Variants in DOK6 observed in about 807,000 individuals in gnomAD.
The protein encoded by DOK6 is downstream of tyrosine kinase 6.
DOK6 carries 22 observed loss-of-function variants against 44.0 expected under a neutral mutation model. That is an observed-to-expected ratio of 0.50 (90% CI 0.36 to 0.71). The LOEUF (loss-of-function observed/expected upper bound fraction) is 0.71, where lower values mean the gene tolerates loss of function less well. Ranked by LOEUF, DOK6 falls within the 30% of genes least tolerant of loss-of-function variation. The pLI is 0.00. For synonymous variants in DOK6, 166 were observed against 145.5 expected (o/e 1.14, Z -1.01); for missense variants, 340 against 416.4 (o/e 0.82, Z 1.60).
intron 5 of DOK6, among the ~76,000 whole-genome samples, chr18:69,700,803 G>A (rs1050211427): frequency 1.3e-5 from 2 of 152,170 alleles, no homozygotes; most frequent in Non-Finnish European, 2.9e-5. Context: ...GGTCTGGACT[G>A]ATGGGGTCAC....
At chr18:69,712,793 G>A (rs1018567376) in intron 5 of DOK6, among the ~76,000 whole-genome samples, 8 of 152,196 alleles carry the variant, frequency 5.3e-5, no homozygotes, top group Non-Finnish European at 1.0e-4. Flanking sequence ...GTTGCAGTGA[G>A]CCGAGATCAC....
chr18:69,695,059 T>C (rs1986360848), intron 4 of DOK6, among the ~76,000 whole-genome samples: 1 of 152,216 alleles, frequency 6.6e-6, no homozygotes. Flanking sequence ...AAGCAAGTGT[T>C]CTTTTGTTCT....
chr18:69,532,749 C>G (rs1982020161), intron 1 of DOK6: 1 of 152,218 alleles, frequency 6.6e-6, no homozygotes, highest in Admixed American at 6.6e-5. Context: ...GTGACCCCAG[C>G]TCCTCAGGAG....
intron 3 of DOK6, among the ~76,000 whole-genome samples, chr18:69,628,618 GAAACTTTTCCT>G (rs941173451): frequency 8.5e-5 from 13 of 152,186 alleles, no homozygotes; most frequent in Non-Finnish European, 1.5e-4. Context: ...GATATGGTAT[GAAACTTTTCCT>G]AAACTTTTCC....
chr18:69,659,692 G>A (rs1037085587), intron 3 of DOK6: 1 of 151,876 alleles, frequency 6.6e-6, no homozygotes, highest in African/African-American at 2.4e-5. Context: ...TAAAAAGGAC[G>A]TTAATCTGAC....
At position 69,547,652 on chromosome 18, in the gene DOK6, C is replaced by T. The variant is rs376048386; in HGVS notation, c.67-16835C>T. 4.8e-3 allele frequency among the ~76,000 whole-genome samples: 719 copies of T among 151,366 alleles called. 15 individuals carry two copies. Among genetic ancestry groups the T allele is most frequent in the African/African-American group, 0.015 (624 of 41,416 alleles). On this transcript the variant is annotated intron_variant, in intron 1 of 7. Coordinates refer to ENST00000382713, the MANE Select transcript of DOK6 (RefSeq NM_152721.6). ...TATCTAACGTTAGAACTTATTCCTT[C>T]TATCTAACTATATGTTTGTACTCAT... is the stretch of plus-strand genomic sequence containing the variant.
At chr18:69,831,153 C>T (rs1009112358) in intron 7 of DOK6, 1 of 152,202 alleles carries the variant, frequency 6.6e-6, no homozygotes, top group African/African-American at 2.4e-5. Flanking sequence ...GGCCTGAGAA[C>T]CAGGAAAGCC....
In DOK6 at chr18:69,401,167, G is replaced by A. The variant is rs542018167; in HGVS notation, c.-78G>A. On this transcript the variant is annotated 5_prime_UTR_variant, in exon 1 of 8. Coordinates refer to ENST00000382713, the MANE Select transcript of DOK6 (RefSeq NM_152721.6). ...CGGCGGCCGGCTGGATGCGAGACCC[G>A]CGCAGACCCGGCGGCGGACGGCGGC... The A allele has an allele frequency of 5.3e-4, 773 of 1,445,430 alleles. 1 individual carries two copies. The highest frequency in any genetic ancestry group is 7.4e-4 in the Admixed American group (30 of 40,392). 89.5% of individuals were successfully genotyped at this position (1,445,430 alleles called of 1,614,324 possible).
intron 3 of DOK6, chr18:69,661,333 A>C (rs894048731): frequency 3.2e-4 from 49 of 152,218 alleles, no homozygotes; most frequent in African/African-American, 1.2e-3. Flanking sequence ...CTGCTGGCAG[A>C]GCCCTCATGA....
At chr18:69,426,652 GAA>G (rs1434473091) in intron 1 of DOK6, among the ~76,000 whole-genome samples, 2 of 152,092 alleles carry the variant, frequency 1.3e-5, no homozygotes, top group Non-Finnish European at 1.5e-5. Flanking sequence ...TCAATACAGT[GAA>G]GTGATTTTAA....
intron 7 of DOK6, among the ~76,000 whole-genome samples, chr18:69,774,695 G>A (rs1980009432): frequency 1.3e-5 from 2 of 151,730 alleles, no homozygotes; most frequent in Non-Finnish European, 2.9e-5. Context: ...AAGGAGATGG[G>A]AAATATAAAA....
intron 7 of DOK6, among the ~76,000 whole-genome samples, chr18:69,768,948 G>GGT (rs1341229658): frequency 0.016 from 611 of 37,708 alleles, 8 homozygotes; most frequent in East Asian, 0.15. Flanking sequence ...AGATTTGAAG[G>GGT]GTGTGCGTGT....
rs114185430 is a variant in DOK6 at position 69,692,622 on chromosome 18, G to A, written c.410-5782G>A. On this transcript the variant is annotated intron_variant, in intron 4 of 7. Coordinates refer to ENST00000382713, the MANE Select transcript of DOK6 (RefSeq NM_152721.6). ...GAGTCTTAACTTTATGGAATCACTC[G>A]TTAATAAAAACAATGAAGTGAAATT... Among the ~76,000 whole-genome samples the A allele has an allele frequency of 2.5e-3, 380 of 152,264 alleles. 3 individuals are homozygous for A. The highest frequency in any genetic ancestry group is 8.0e-3 in the African/African-American group (334 of 41,556).
intron 3 of DOK6, among the ~76,000 whole-genome samples, chr18:69,655,953 G>C (rs925793376): frequency 2.6e-5 from 4 of 151,928 alleles, no homozygotes; most frequent in Admixed American, 6.6e-5. Context: ...GAATAGGAAA[G>C]AGGCAGAAGT....
intron 3 of DOK6, among the ~76,000 whole-genome samples, chr18:69,618,311 A>T (rs1478985939): frequency 6.6e-6 from 1 of 152,212 alleles, no homozygotes; most frequent in Admixed American, 6.5e-5. Flanking sequence ...TGGAGGACTA[A>T]ATGGCTTCCA....
intron 1 of DOK6, among the ~76,000 whole-genome samples, chr18:69,526,439 T>C (rs1981833243): frequency 6.6e-6 from 1 of 152,220 alleles, no homozygotes; most frequent in East Asian, 1.9e-4. Flanking sequence ...ATTATATTGC[T>C]GAATAATATT....
intron 3 of DOK6, among the ~76,000 whole-genome samples, chr18:69,644,196 C>T (rs769982293): frequency 6.6e-6 from 1 of 152,110 alleles, no homozygotes; most frequent in African/African-American, 2.4e-5. Context: ...TTCCCTTAGT[C>T]TATAGCCTGT....
intron 1 of DOK6, among the ~76,000 whole-genome samples, chr18:69,508,337 C>A (rs1408566858): frequency 2.0e-5 from 3 of 152,056 alleles, no homozygotes; most frequent in African/African-American, 7.2e-5. Context: ...CTTGTGATGT[C>A]TTTTCTCTAA....
At chr18:69,582,456 A>G (rs1983392966) in intron 2 of DOK6, among the ~76,000 whole-genome samples, 1 of 152,154 alleles carries the variant, frequency 6.6e-6, no homozygotes, top group Admixed American at 6.5e-5. Flanking sequence ...GGAAAGTAAA[A>G]TTTCCTAGCC....
Sources: gnomAD v4.1 joint callset for allele counts (sites outside exome capture counted in the v4.1 genomes callset) on GRCh38, gnomAD v4.1.1 for gene constraint, MANE v1.5 for transcripts, NCBI Gene and HGNC (gene_info 2026-07-23, HGNC 2026-07-21) for gene names.